The following CACNA1B variants were observed in gnomAD, a reference collection of about 807,000 sequenced individuals.
The protein encoded by CACNA1B is voltage-dependent N-type calcium channel subunit alpha-1B.
CACNA1B carries 70 observed loss-of-function variants against 247.2 expected under a neutral mutation model. That is an observed-to-expected ratio of 0.28 (90% CI 0.23 to 0.35). The LOEUF (loss-of-function observed/expected upper bound fraction) is 0.35. Among genes scored for constraint, CACNA1B ranks in the 10% least tolerant of loss-of-function variants. The pLI, the probability that CACNA1B is intolerant of heterozygous loss-of-function variation, is 1.00. For missense variants in CACNA1B, 2,367 were observed against 3,197.4 expected (o/e 0.74, Z 6.26); for synonymous variants, 1,231 against 1,294.4 (o/e 0.95, Z 1.05).
chr9:138,069,743 A>G lies in CACNA1B; in HGVS notation c.4669-15A>G. The G allele has an allele frequency of 6.2e-7, 1 of 1,605,582 alleles. No individual in the cohort carries two copies. The highest frequency in any genetic ancestry group is 8.5e-7 in the Non-Finnish European group (1 of 1,172,344). ...ATAATATGCAAATATCCATCCATGA[A>G]AACATCACATGTAGGAAACGGTTGG... On this transcript the variant is annotated splice_polypyrimidine_tract_variant and intron_variant, in intron 31 of 46. Coordinates refer to ENST00000371372, the MANE Select transcript of CACNA1B (RefSeq NM_000718.4).
At chr9:137,924,972 G>T (rs967971572) in intron 6 of CACNA1B, among the ~76,000 whole-genome samples, 10 of 152,190 alleles carry the variant, frequency 6.6e-5, no homozygotes, top group African/African-American at 2.4e-4. Context: ...TGACCAGGGG[G>T]TTCCTGATAC....
Position 138,073,050 on chromosome 9 carries a change from C to T in CACNA1B, c.4675-438C>T, listed in dbSNP as rs1015035795. Among the ~76,000 whole-genome samples, 1 of 152,182 alleles carries T rather than the reference C, an allele frequency of 6.6e-6. No homozygotes were observed. Among genetic ancestry groups the T allele is most frequent in the Non-Finnish European group, 1.5e-5 (1 of 68,022 alleles). On this transcript the variant is annotated intron_variant, in intron 32 of 46. Transcript: ENST00000371372. This position sits in a 1 kb window ranked among gnomAD's most constrained non-coding sequence, Gnocchi z 6.4. ...AAAGGGCATAGCCGTGAAGCCTGGG[C>T]GGGGGTCCCTTCCGGGGTGCTGGGT...
chr9:138,031,274 A>C (rs1958984728), intron 20 of CACNA1B, among the ~76,000 whole-genome samples: 1 of 152,190 alleles, frequency 6.6e-6, no homozygotes, highest in African/African-American at 2.4e-5. Context: ...GAGAAGACTC[A>C]TGGACTGTTT....
At position 137,913,635 on chromosome 9, in the gene CACNA1B, G is replaced by T. The variant is rs1564886700; in HGVS notation, c.622+364G>T. 6.7e-6 allele frequency among the ~76,000 whole-genome samples: 1 copy of T among 148,198 alleles called. No homozygotes were observed. ...ATGCCTGAGAAAATGTGCAAAAGCT[G>T]CAAAGGGCCACTTGTCTCTTGGCTC... is the stretch of plus-strand genomic sequence containing the variant. On this transcript the variant is annotated intron_variant, in intron 4 of 46. Transcript: ENST00000371372. The surrounding 1 kb of genome is among the most constrained non-coding windows in gnomAD (Gnocchi z 5.2).
At position 138,043,755 on chromosome 9, in the gene CACNA1B, G is replaced by C. The variant is rs371151522; in HGVS notation, c.3287-19G>C. The C allele has an allele frequency of 9.3e-6, 15 of 1,613,728 alleles. No homozygotes were observed. Among genetic ancestry groups the C allele is most frequent in the Admixed American group, 5.0e-5 (3 of 59,996 alleles). Reference sequence around the variant, plus strand: ...CATGTGCACTACACCCCTTACTCGGGGGCCCTGTGTCCTTGTAGGTGGTAA... The same window carrying C: ...CATGTGCACTACACCCCTTACTCGGCGGCCCTGTGTCCTTGTAGGTGGTAA... On this transcript the variant is annotated intron_variant, in intron 20 of 46. Coordinates refer to ENST00000371372, the MANE Select transcript of CACNA1B (RefSeq NM_000718.4).
chr9:138,029,916 A>G (rs534793923), intron 20 of CACNA1B, among the ~76,000 whole-genome samples: 1 of 152,050 alleles, frequency 6.6e-6, no homozygotes, highest in Non-Finnish European at 1.5e-5. Flanking sequence ...TGCCCAGCCC[A>G]TTTTCATCAA....
intron 20 of CACNA1B, among the ~76,000 whole-genome samples, chr9:138,031,432 G>T (rs1050608356): frequency 6.6e-6 from 1 of 152,114 alleles, no homozygotes; most frequent in East Asian, 1.9e-4. Flanking sequence ...CCAGGATGTG[G>T]GATATCTTGA....
rs900769066 is a variant in CACNA1B, at chr9:138,010,298, A to C, written c.2160+221A>C. On this transcript the variant is annotated intron_variant, in intron 17 of 46. Coordinates refer to ENST00000371372, the MANE Select transcript of CACNA1B (RefSeq NM_000718.4). The surrounding 1 kb of genome is among the most constrained non-coding windows in gnomAD (Gnocchi z 5.3). The stretch of plus-strand genomic sequence containing the variant: ...AGATGGACAGGCAGGCTCTCAGGGA[A>C]GCCAGCACAGGGAAGAATGGCCTGA... Among the ~76,000 whole-genome samples the C allele has an allele frequency of 1.3e-5, 2 of 152,180 alleles. No individual in the cohort carries two copies. The highest frequency in any genetic ancestry group is 6.5e-5 in the Admixed American group (1 of 15,278).
intron 36 of CACNA1B, among the ~76,000 whole-genome samples, chr9:138,092,720 T>C (rs1460701465): frequency 1.3e-5 from 2 of 152,182 alleles, no homozygotes; most frequent in Non-Finnish European, 2.9e-5. Flanking sequence ...CATGAAATCG[T>C]CACAATTTAT....
chr9:137,917,420 A>C lies in CACNA1B; in HGVS notation c.955A>C (p.Ile319Leu). The part of the protein sequence containing the change: ...QCITMEGWTD[I>L]LYNTNDAAGN... ...CATCACCATGGAGGGCTGGACTGAC[A>C]TCCTCTATAATGTGAGTGGCGTCTT... Residue 319 changes from isoleucine (I) to leucine (L), a missense_variant, in exon 6 of 47, where the codon ATC becomes CTC. Coordinates refer to ENST00000371372, the MANE Select transcript of CACNA1B (RefSeq NM_000718.4). This position sits in a 1 kb window ranked among gnomAD's most constrained non-coding sequence, Gnocchi z 5.5. The C allele has an allele frequency of 1.2e-6, 2 of 1,613,616 alleles. No individual in the cohort carries two copies. Among genetic ancestry groups the C allele is most frequent in the Non-Finnish European group, 1.7e-6 (2 of 1,179,636 alleles).
Position 138,121,362 on chromosome 9 carries a change from T to C in CACNA1B, c.6490-107T>C, listed in dbSNP as rs1274517966. On this transcript the variant is annotated intron_variant, in intron 46 of 46. Transcript: ENST00000371372. This position sits in a 1 kb window ranked among gnomAD's most constrained non-coding sequence, Gnocchi z 6.8. ...CCCGTTGTCCCCCATTGCCTCCCTC[T>C]CTCCTCCCATCCCCCCAGGCACCTG... 1.3e-5 allele frequency: 11 copies of C among 852,754 alleles called. No homozygotes were observed. The South Asian group carries it at 1.6e-4, about 12-fold the overall frequency. 52.8% of individuals were successfully genotyped at this position (852,754 alleles called of 1,614,324 possible). A position where few individuals can be genotyped will look rare whatever the true frequency, so the allele number is the denominator to read the frequency against.
intron 6 of CACNA1B, among the ~76,000 whole-genome samples, chr9:137,947,425 C>G (rs1416922310): frequency 6.6e-6 from 1 of 152,098 alleles, no homozygotes; most frequent in Non-Finnish European, 1.5e-5. Flanking sequence ...CCTCCAGACC[C>G]TATTCTTCTG....
Position 138,114,434 on chromosome 9 carries a change from A to C in CACNA1B, c.5593A>C (p.Lys1865Gln). 1 of 1,594,650 alleles carries C rather than the reference A, an allele frequency of 6.3e-7. No individual in the cohort carries two copies. Among genetic ancestry groups the C allele is most frequent in the Non-Finnish European group, 8.5e-7 (1 of 1,169,940 alleles). Residue 1865 changes from lysine to glutamine, a missense_variant, in exon 41 of 47, where the codon AAG becomes CAG. Lys to Gln is a moderately conservative substitution (Grantham distance 53). Transcript: ENST00000371372. ...AGCTCTGATGATATTCGACTTCTAC[A>C]AGCAGAACAAAACCACCAGAGACCA... is the stretch of plus-strand genomic sequence containing the variant. ...YAALMIFDFY[K>Q]QNKTTRDQMQ...
intron 36 of CACNA1B, among the ~76,000 whole-genome samples, chr9:138,080,326 A>C (rs1031299532): frequency 6.6e-6 from 1 of 152,180 alleles, no homozygotes; most frequent in Admixed American, 6.5e-5. Context: ...TTTGGGATGC[A>C]GGTATTTGAA....
chr9:137,878,245 G>C, intron 1 of CACNA1B, 28 bp downstream of exon 1: 1 of 1,120,628 alleles, frequency 8.9e-7, no homozygotes, highest in Non-Finnish European at 1.1e-6. Context: ...GCCGGGCGGG[G>C]CCGGGCGGGG....
intron 6 of CACNA1B, among the ~76,000 whole-genome samples, chr9:137,949,559 T>C (rs1957854999): frequency 6.6e-6 from 1 of 151,828 alleles, no homozygotes; most frequent in African/African-American, 2.4e-5. Flanking sequence ...AGAGGGAGAT[T>C]TATCATGAGG....
chr9:137,906,917 T>C (rs905407294), intron 3 of CACNA1B, among the ~76,000 whole-genome samples: 18 of 152,250 alleles, frequency 1.2e-4, no homozygotes, highest in African/African-American at 4.3e-4. Flanking sequence ...GGAGTTAGCT[T>C]GGGAGATTTT....
At chr9:138,006,653 G>C in intron 15 of CACNA1B, 114 bp from the exon 16 acceptor site, 1 of 671,818 alleles carries the variant, frequency 1.5e-6, no homozygotes, top group Non-Finnish European at 2.8e-6. Flanking sequence ...TGCATGTGTG[G>C]ACGTGGCAGT....
chr9:137,939,069 T>G (rs1165212079), intron 6 of CACNA1B, among the ~76,000 whole-genome samples: 2 of 150,630 alleles, frequency 1.3e-5, no homozygotes, highest in Non-Finnish European at 3.0e-5. Flanking sequence ...GATTCTGTCC[T>G]AAAAGAAAAA....
Sources: gnomAD v4.1 joint callset for allele counts (sites outside exome capture counted in the v4.1 genomes callset) on GRCh38, gnomAD v4.1.1 for gene constraint, Gnocchi (gnomAD v3.1) non-coding constraint, MANE v1.5 for transcripts, NCBI Gene and HGNC (gene_info 2026-07-23, HGNC 2026-07-21) for gene names.